Variants in THAP6 observed in about 807,000 individuals in gnomAD.
The protein encoded by THAP6 is THAP domain containing 6, also known as THAP domain-containing protein 6.
Under a neutral mutation model 20.0 loss-of-function variants are expected in THAP6, and 13 were observed. That is an observed-to-expected ratio of 0.65 (90% CI 0.42 to 1.03). The LOEUF is 1.03. THAP6 is among the 50% of genes least tolerant of loss of function. THAP6 has a pLI of 0.00. For synonymous variants in THAP6, 93 were observed against 92.2 expected (o/e 1.01, Z -0.05); for missense variants, 262 against 261.6 (o/e 1.00, Z -0.01).
upstream of THAP6, chr4:75,514,138 G>A: frequency 6.4e-7 from 1 of 1,570,964 alleles, no homozygotes; most frequent in Non-Finnish European, 8.7e-7. Flanking sequence ...CACCTGCCCA[G>A]CCCGCCCCAG....
intron 2 of THAP6, among the ~76,000 whole-genome samples, chr4:75,538,775 C>T (rs1439989495): frequency 1.3e-5 from 2 of 152,230 alleles, no homozygotes; most frequent in African/African-American, 4.8e-5. Flanking sequence ...CCCTCACCTT[C>T]CTGCTAGCTG....
At chr4:75,541,744 T>G (rs1244153081) in intron 2 of THAP6, among the ~76,000 whole-genome samples, 1 of 152,006 alleles carries the variant, frequency 6.6e-6, no homozygotes, top group African/African-American at 2.4e-5. Flanking sequence ...TCACTTGAGG[T>G]CAGGAGTTCA....
intron 2 of THAP6, among the ~76,000 whole-genome samples, chr4:75,537,113 A>C (rs1726879450): frequency 6.6e-6 from 1 of 151,360 alleles, no homozygotes; most frequent in African/African-American, 2.4e-5. Context: ...AAGTGTTGTC[A>C]AAAAAAAATA....
At chr4:75,521,968 G>A (rs750390162) in intron 4 of THAP6, 107 bp downstream of exon 4, 4 of 1,341,564 alleles carry the variant, frequency 3.0e-6, no homozygotes, top group Non-Finnish European at 3.1e-6. Flanking sequence ...GGGTTAATAT[G>A]TAATATCTAC....
intron 2 of THAP6, among the ~76,000 whole-genome samples, chr4:75,537,189 G>C (rs569197168): frequency 6.6e-6 from 1 of 152,078 alleles, no homozygotes; most frequent in African/African-American, 2.4e-5. Context: ...GTCTAGGGGG[G>C]GCACCAAAAC....
downstream of THAP6, among the ~76,000 whole-genome samples, chr4:75,532,676 T>A (rs138907095): frequency 4.1e-4 from 63 of 152,360 alleles, no homozygotes; most frequent in African/African-American, 1.3e-3. Flanking sequence ...ATCTGAAATT[T>A]AGGCGGAGAT....
chr4:75,534,158 CATT>C (rs1726784098), downstream of THAP6, among the ~76,000 whole-genome samples: 3 of 152,132 alleles, frequency 2.0e-5, no homozygotes, highest in Admixed American at 1.3e-4. Flanking sequence ...TCCAGTCTAT[CATT>C]GTTGGACATT....
downstream of THAP6, among the ~76,000 whole-genome samples, chr4:75,534,282 G>A (rs1726787672): frequency 6.6e-6 from 1 of 152,090 alleles, no homozygotes; most frequent in African/African-American, 2.4e-5. Flanking sequence ...TCTGACCTTT[G>A]ACAAACCTGA....
At chr4:75,514,234 C>T (rs766486122), upstream of THAP6, 1 of 1,613,308 alleles carries the variant, frequency 6.2e-7, no homozygotes, top group Non-Finnish European at 8.5e-7. Flanking sequence ...CTCGCAGCCC[C>T]GCTGACCTCG....
upstream of THAP6, chr4:75,513,973 T>C: frequency 1.8e-6 from 1 of 566,082 alleles, no homozygotes. Flanking sequence ...GCCTAATCAC[T>C]TCCCAAGAAG....
intron 2 of THAP6, among the ~76,000 whole-genome samples, chr4:75,538,151 G>A (rs977109097): frequency 6.6e-6 from 1 of 152,204 alleles, no homozygotes; most frequent in Admixed American, 6.5e-5. Flanking sequence ...TGATGAGCCA[G>A]GTAGGGCATG....
chr4:75,541,961 A>C (rs1390922145), intron 2 of THAP6, among the ~76,000 whole-genome samples: 1 of 152,114 alleles, frequency 6.6e-6, no homozygotes, highest in African/African-American at 2.4e-5. Context: ...TCTCCAAAAA[A>C]AAAAAAAAAG....
intron 2 of THAP6, chr4:75,540,025 T>C: frequency 2.0e-6 from 3 of 1,498,762 alleles, no homozygotes; most frequent in Non-Finnish European, 2.7e-6. Context: ...GCAAGGAACA[T>C]TGTATCACTG....
In THAP6 at chr4:75,528,438, T is replaced by C; in HGVS notation, c.*1224T>C. ...GCACATGTACATACATGGACCTCAT[T>C]CAGAAGTCCATGTTGTAGCAGTTAG... On this transcript the variant is annotated 3_prime_UTR_variant, in exon 5 of 5. Transcript: ENST00000311638. 1.0e-6 allele frequency: 1 copy of C among 984,518 alleles called. No homozygotes were observed. The highest frequency in any genetic ancestry group is 4.7e-5 in the South Asian group (1 of 21,280). The allele number at this position is 984,518 out of a possible 1,614,324, so 61.0% of individuals were successfully genotyped here.
chr4:75,523,034 T>C (rs1726129069), intron 4 of THAP6, among the ~76,000 whole-genome samples: 1 of 152,208 alleles, frequency 6.6e-6, no homozygotes, highest in Non-Finnish European at 1.5e-5. Context: ...TTCCAAACTG[T>C]TCTCCATAGT....
Position 75,527,496 on chromosome 4 carries a change from G to T in THAP6, c.*282G>T, listed in dbSNP as rs1726456087. On this transcript the variant is annotated 3_prime_UTR_variant, in exon 5 of 5. Transcript: ENST00000311638. ...CTCAAGAAAATTTCACAGAGCTAAA[G>T]AAATGATGTCAAATTAGTCACATTA... 8.3e-7 allele frequency: 1 copy of T among 1,202,230 alleles called. No individual in the cohort carries two copies. Among genetic ancestry groups the T allele is most frequent in the Admixed American group, 4.1e-5 (1 of 24,586 alleles). The allele number at this position is 1,202,230 out of a possible 1,614,324, so 74.5% of individuals were successfully genotyped here. A position where few individuals can be genotyped will look rare whatever the true frequency, so the allele number is the denominator to read the frequency against.
At chr4:75,517,671 A>G (rs924392494) in intron 3 of THAP6, 1 of 152,264 alleles carries the variant, frequency 6.6e-6, no homozygotes, top group African/African-American at 2.4e-5. Context: ...TAAGAGCCAC[A>G]TACATGCAAG....
At position 75,529,448 on chromosome 4, in the gene THAP6, T is replaced by C; in HGVS notation, c.*2234T>C. 3 of 985,424 alleles carry C rather than the reference T, an allele frequency of 3.0e-6. No homozygotes were observed. The highest frequency in any genetic ancestry group is 3.6e-6 in the Non-Finnish European group (3 of 829,928). 61.0% of individuals were successfully genotyped at this position (985,424 alleles called of 1,614,324 possible). On this transcript the variant is annotated 3_prime_UTR_variant, in exon 5 of 5. Coordinates refer to ENST00000311638, the MANE Select transcript of THAP6 (RefSeq NM_144721.6). The stretch of plus-strand genomic sequence containing the variant: ...AGTATAACTGAGAAATAAATAACTG[T>C]GTGCAAAATATTGGTATCATTAAGG...
chr4:75,517,204 G>A, intron 3 of THAP6: 1 of 416,686 alleles, frequency 2.4e-6, no homozygotes, highest in Middle Eastern at 6.7e-4. Flanking sequence ...TTTTAGGAGA[G>A]ATGGCGTTTC....
Sources: allele counts gnomAD v4.1 joint callset (sites outside exome capture counted in the v4.1 genomes callset), GRCh38; gene constraint gnomAD v4.1.1; transcripts MANE v1.5; gene names NCBI Gene and HGNC (gene_info 2026-07-23, HGNC 2026-07-21).